Variants in TMEM272 observed in about 807,000 individuals in gnomAD.
TMEM272 encodes the protein long intergenic non-protein coding RNA 282.
Under a neutral mutation model 3.7 loss-of-function variants are expected in TMEM272, and 8 were observed. The observed-to-expected ratio is 2.17, with a 90% confidence interval of 1.27 to 3.91. The LOEUF (loss-of-function observed/expected upper bound fraction) is 3.91, where lower values mean the gene tolerates loss of function less well. Ranked by LOEUF, TMEM272 falls within the 30% of genes most tolerant of loss-of-function variation. The pLI is 0.00. For missense variants in TMEM272, 166 were observed against 91.5 expected (o/e 1.81, Z -3.32); for synonymous variants, 63 against 39.8 (o/e 1.58, Z -2.20).
chr13:51,885,331 T>C, the TMEM272 span, among the ~76,000 whole-genome samples: 1 of 152,184 alleles, frequency 6.6e-6, no homozygotes, highest in African/African-American at 2.4e-5. Flanking sequence ...TGACTCACAG[T>C]TCCGCATGGC....
chr13:51,848,617 G>GT (rs1465548961), upstream of TMEM272, among the ~76,000 whole-genome samples: 1 of 152,206 alleles, frequency 6.6e-6, no homozygotes, highest in Admixed American at 6.5e-5. Flanking sequence ...CAAAAGAGTA[G>GT]TGAGTGAATG....
intron 2 of TMEM272, among the ~76,000 whole-genome samples, chr13:51,838,229 A>T (rs760195952): frequency 1.2e-4 from 19 of 152,180 alleles, no homozygotes; most frequent in Non-Finnish European, 2.6e-4. Flanking sequence ...CATATTTTTC[A>T]AACACATATT....
the TMEM272 span, among the ~76,000 whole-genome samples, chr13:51,915,085 C>T: frequency 2.0e-5 from 3 of 152,072 alleles, no homozygotes; most frequent in South Asian, 2.1e-4. Context: ...TGGAAAGTAC[C>T]GCAAAAACAG....
chr13:51,838,667 C>T (rs543071963), intron 1 of TMEM272, 114 bp from the exon 2 acceptor site: 41 of 682,716 alleles, frequency 6.0e-5, no homozygotes, highest in African/African-American at 3.9e-4. Context: ...TCAGTCAGCC[C>T]GGGTGGCCTG....
the TMEM272 span, among the ~76,000 whole-genome samples, chr13:51,905,199 G>A: frequency 1.3e-5 from 2 of 152,214 alleles, no homozygotes; most frequent in Non-Finnish European, 2.9e-5. Context: ...AAGGCAGTTC[G>A]TGCAGGGAGA....
chr13:51,908,871 T>C, the TMEM272 span: 28 of 1,427,742 alleles, frequency 2.0e-5, no homozygotes, highest in African/African-American at 7.0e-5. Context: ...AGAAGGAGCC[T>C]TGTGAGGATC....
the TMEM272 span, among the ~76,000 whole-genome samples, chr13:51,891,507 T>C: frequency 3.9e-5 from 6 of 152,204 alleles, no homozygotes; most frequent in Non-Finnish European, 7.3e-5. Flanking sequence ...AAGCAGAAAT[T>C]TGCAAACTCT....
the TMEM272 span, among the ~76,000 whole-genome samples, chr13:51,928,132 C>A: frequency 6.6e-6 from 1 of 151,902 alleles, no homozygotes; most frequent in Non-Finnish European, 1.5e-5. Context: ...AGTAACTGGA[C>A]AAACGCAGCT....
the TMEM272 span, among the ~76,000 whole-genome samples, chr13:51,925,910 T>C: frequency 6.6e-6 from 1 of 152,144 alleles, no homozygotes; most frequent in African/African-American, 2.4e-5. Context: ...GTAGTGTGTT[T>C]ATGTGTGCAG....
the TMEM272 span, among the ~76,000 whole-genome samples, chr13:51,917,481 C>G: frequency 6.6e-6 from 1 of 152,084 alleles, no homozygotes; most frequent in African/African-American, 2.4e-5. Context: ...TTCTGCCACC[C>G]CTGCCCTGCT....
At chr13:51,831,152 T>C (rs1043783147) in intron 2 of TMEM272, among the ~76,000 whole-genome samples, 13 of 152,190 alleles carry the variant, frequency 8.5e-5, no homozygotes, top group African/African-American at 3.1e-4. Context: ...CCTGGCATGG[T>C]TGCTCACACC....
At chr13:51,911,337 T>G in the TMEM272 span, among the ~76,000 whole-genome samples, 1 of 152,228 alleles carries the variant, frequency 6.6e-6, no homozygotes, top group Non-Finnish European at 1.5e-5. Flanking sequence ...GATCCTCAAC[T>G]GTCCCATGCA....
the TMEM272 span, among the ~76,000 whole-genome samples, chr13:51,931,040 A>G: frequency 6.6e-6 from 1 of 152,334 alleles, no homozygotes; most frequent in East Asian, 1.9e-4. Context: ...GTCTTAAAAG[A>G]CTAAAAGTTA....
chr13:51,883,194 C>T, the TMEM272 span, among the ~76,000 whole-genome samples: 7 of 152,328 alleles, frequency 4.6e-5, no homozygotes, highest in East Asian at 1.9e-4. Flanking sequence ...CAGGAGGGAA[C>T]GGTGCCCAGT....
chr13:51,915,451 G>C, the TMEM272 span, among the ~76,000 whole-genome samples: 1 of 152,134 alleles, frequency 6.6e-6, no homozygotes, highest in Non-Finnish European at 1.5e-5. Context: ...TTCCTGACAA[G>C]AGAGACCTTT....
intron 2 of TMEM272, among the ~76,000 whole-genome samples, chr13:51,829,095 G>T (rs1411061251): frequency 6.6e-6 from 1 of 152,162 alleles, no homozygotes; most frequent in African/African-American, 2.4e-5. Flanking sequence ...TGTTAGTTTT[G>T]TACAATGTTT....
chr13:51,931,346 G>A, the TMEM272 span, among the ~76,000 whole-genome samples: 1 of 150,180 alleles, frequency 6.7e-6, no homozygotes, highest in East Asian at 1.9e-4. Context: ...GCAGGGACAT[G>A]GATGAAGCTA....
At chr13:51,931,845 G>A in the TMEM272 span, among the ~76,000 whole-genome samples, 2 of 152,170 alleles carry the variant, frequency 1.3e-5, no homozygotes, top group African/African-American at 4.8e-5. Context: ...CAGTCACAAT[G>A]AGCCATGAGA....
the TMEM272 span, chr13:51,908,803 G>A: frequency 1.4e-6 from 2 of 1,438,280 alleles, no homozygotes; most frequent in African/African-American, 1.4e-5. Flanking sequence ...GATTGTCCTG[G>A]TGGAGGAAAC....
Sources: gnomAD v4.1 joint callset for allele counts (sites outside exome capture counted in the v4.1 genomes callset) on GRCh38, gnomAD v4.1.1 for gene constraint, MANE v1.5 for transcripts, NCBI Gene and HGNC (gene_info 2026-07-23, HGNC 2026-07-21) for gene names.